The following ANKH variants were observed in gnomAD, a reference collection of about 807,000 sequenced individuals.
ANKH encodes ANKH inorganic pyrophosphate transport regulator.
ANKH carries 15 observed loss-of-function variants against 49.0 expected under a neutral mutation model. That is an observed-to-expected ratio of 0.31 (90% CI 0.20 to 0.47). The LOEUF (loss-of-function observed/expected upper bound fraction) is 0.47. ANKH is among the 20% of genes least tolerant of loss of function. ANKH has a pLI of 1.00. For synonymous variants in ANKH, 273 were observed against 260.0 expected (o/e 1.05, Z -0.48); for missense variants, 429 against 652.0 (o/e 0.66, Z 3.72).
At position 14,797,770 on chromosome 5, in the gene ANKH, G is replaced by C. The variant is rs1740435275; in HGVS notation, c.97-28579C>G. On this transcript the variant is annotated intron_variant, in intron 1 of 11. Transcript: ENST00000284268. ...GCATCTACCACTTTTCCCTCCTTTG[G>C]AACGGCACTGATGTCCCACAGGCAG... 6.8e-6 allele frequency: 11 copies of C among 1,610,908 alleles called. No individual in the cohort carries two copies. In the South Asian group the frequency reaches 1.1e-4, roughly 16 times the overall value.
At chr5:14,822,786 C>T (rs1741232636) in intron 1 of ANKH, among the ~76,000 whole-genome samples, 1 of 152,224 alleles carries the variant, frequency 6.6e-6, no homozygotes, top group African/African-American at 2.4e-5. Context: ...GTGGCTCACG[C>T]CTGTAATCCC....
chr5:14,779,450 C>T (rs1043205015), intron 1 of ANKH, among the ~76,000 whole-genome samples: 24 of 152,206 alleles, frequency 1.6e-4, no homozygotes, highest in African/African-American at 5.5e-4. Context: ...TCTGTTATCG[C>T]CCTCGTCAAG....
At chr5:14,728,856 A>G (rs1281301145) in intron 8 of ANKH, among the ~76,000 whole-genome samples, 2 of 152,164 alleles carry the variant, frequency 1.3e-5, no homozygotes, top group East Asian at 1.9e-4. Context: ...CGCAGCTGCA[A>G]ATAATGGTGT....
intron 1 of ANKH, among the ~76,000 whole-genome samples, chr5:14,830,806 T>C (rs1210486323): frequency 1.3e-5 from 2 of 152,098 alleles, no homozygotes; most frequent in Admixed American, 1.3e-4. Context: ...ATTCACCACT[T>C]TACCCCCAAC....
chr5:14,798,751 G>A (rs924437264), intron 1 of ANKH, among the ~76,000 whole-genome samples: 2 of 152,162 alleles, frequency 1.3e-5, no homozygotes, highest in Non-Finnish European at 2.9e-5. Flanking sequence ...CTTAATAAAT[G>A]TGTGTGTCCT....
At chr5:14,836,535 C>A (rs1040823626) in intron 1 of ANKH, among the ~76,000 whole-genome samples, 35 of 151,882 alleles carry the variant, frequency 2.3e-4, no homozygotes, top group Admixed American at 8.5e-4. Context: ...CAAAGAGAAT[C>A]AAATACCTAG....
intron 1 of ANKH, among the ~76,000 whole-genome samples, chr5:14,805,473 AT>A (rs1313597351): frequency 1.5e-5 from 2 of 131,214 alleles, no homozygotes; most frequent in East Asian, 5.7e-4. Flanking sequence ...ACACACATAT[AT>A]GTTTATAGGA....
chr5:14,716,292 A>C (rs1279692799), intron 9 of ANKH, among the ~76,000 whole-genome samples: 1 of 152,216 alleles, frequency 6.6e-6, no homozygotes, highest in African/African-American at 2.4e-5. Context: ...CAGGAGTTCA[A>C]GACCAGCCTG....
At chr5:14,821,379 C>T (rs544573978) in intron 1 of ANKH, among the ~76,000 whole-genome samples, 1 of 152,308 alleles carries the variant, frequency 6.6e-6, no homozygotes, top group South Asian at 2.1e-4. Context: ...GTTATCATCT[C>T]ACTTAGAATT....
chr5:14,769,747 C>T (rs1049355940), intron 1 of ANKH, among the ~76,000 whole-genome samples: 1 of 151,944 alleles, frequency 6.6e-6, no homozygotes, highest in African/African-American at 2.4e-5. Context: ...TTATTATATT[C>T]TTCATTCATG....
At chr5:14,773,760 C>T (rs927054491) in intron 1 of ANKH, among the ~76,000 whole-genome samples, 7 of 152,256 alleles carry the variant, frequency 4.6e-5, no homozygotes, top group East Asian at 1.9e-4. Context: ...GGATTTTTGC[C>T]GCTTTTGTTT....
At chr5:14,749,127 C>A (rs1580032600) in intron 6 of ANKH, 45 bp downstream of exon 6, 1 of 1,613,634 alleles carries the variant, frequency 6.2e-7, no homozygotes, top group Middle Eastern at 1.7e-4. Flanking sequence ...CCCCCCTGCC[C>A]CACCAAGGTG....
intron 1 of ANKH, among the ~76,000 whole-genome samples, chr5:14,866,118 T>G (rs191584435): frequency 1.4e-4 from 21 of 152,330 alleles, no homozygotes; most frequent in Admixed American, 3.9e-4. Flanking sequence ...AAGATTCTCC[T>G]GCCTCAGCCT....
intron 1 of ANKH, among the ~76,000 whole-genome samples, chr5:14,815,289 C>T (rs1446968559): frequency 6.6e-6 from 1 of 152,156 alleles, no homozygotes. Context: ...AATTAATGCC[C>T]ACTGTGTGGC....
In ANKH at chr5:14,704,829, C is replaced by G. The variant is rs1238103899; in HGVS notation, c.*6368G>C. On this transcript the variant is annotated 3_prime_UTR_variant, in exon 12 of 12. Transcript: ENST00000284268. ...TTGTATGCCAAGTGTTTAAGCTTTA[C>G]TTAAAGTAAAATTAGAGTATGAAAC... The G allele has an allele frequency of 6.6e-6, 1 of 152,144 alleles. No individual in the cohort carries two copies. Among genetic ancestry groups the G allele is most frequent in the Non-Finnish European group, 1.5e-5 (1 of 68,022 alleles). 9.4% of individuals were successfully genotyped at this position (152,144 alleles called of 1,614,324 possible).
chr5:14,724,781 GTGGGACGGCCGT>G (rs2126434028), intron 8 of ANKH, among the ~76,000 whole-genome samples: 1 of 152,294 alleles, frequency 6.6e-6, no homozygotes, highest in Admixed American at 6.5e-5. Flanking sequence ...CCAGGCCACG[GTGGGACGGCCGT>G]TTCTGTGTGT....
rs547962947 is a variant in ANKH at position 14,753,025 on chromosome 5, C to G, written c.517-1786G>C. On this transcript the variant is annotated intron_variant, in intron 4 of 11. Transcript: ENST00000284268. ...GTGACAGGACAAGGGAAACGATGCA[C>G]GAGAAAGCAGGGAACAGGTTCCTGA... Among the ~76,000 whole-genome samples the G allele has an allele frequency of 1.1e-4, 16 of 152,170 alleles. No individual in the cohort carries two copies. In the South Asian group the frequency reaches 2.9e-3, roughly 28 times the overall value.
chr5:14,804,227 G>T (rs1740640195), intron 1 of ANKH, among the ~76,000 whole-genome samples: 1 of 152,158 alleles, frequency 6.6e-6, no homozygotes, highest in Non-Finnish European at 1.5e-5. Context: ...CGAAGGAACG[G>T]AGGCAGAGAG....
chr5:14,842,462 T>C (rs1048071456), intron 1 of ANKH, among the ~76,000 whole-genome samples: 5 of 152,146 alleles, frequency 3.3e-5, no homozygotes, highest in Non-Finnish European at 7.4e-5. Context: ...ATAGTCCTGG[T>C]TACTCAGTTT....
Sources: allele counts gnomAD v4.1 joint callset (sites outside exome capture counted in the v4.1 genomes callset), GRCh38; gene constraint gnomAD v4.1.1; transcripts MANE v1.5; gene names NCBI Gene and HGNC (gene_info 2026-07-23, HGNC 2026-07-21).